Variants in SP100 observed in about 807,000 individuals in gnomAD.
SP100 encodes nuclear autoantigen Sp-100.
A neutral mutation model predicts 130.0 loss-of-function variants in SP100; 84 were observed. That is an observed-to-expected ratio of 0.65 (90% CI 0.54 to 0.77). SP100 has a LOEUF of 0.77. SP100 is among the 30% of genes least tolerant of loss of function. SP100 has a pLI of 0.00. For synonymous variants in SP100, 331 were observed against 351.7 expected (o/e 0.94, Z 0.66); for missense variants, 978 against 1,052.2 (o/e 0.93, Z 0.97).
intron 17 of SP100, among the ~76,000 whole-genome samples, chr2:230,475,444 G>A (rs1021288222): frequency 7.9e-5 from 12 of 152,166 alleles, no homozygotes; most frequent in African/African-American, 1.7e-4. Context: ...TCAGACCTTC[G>A]TTATATGCAC....
chr2:230,425,429 C>A (rs1357201688), intron 2 of SP100, among the ~76,000 whole-genome samples: 2 of 152,162 alleles, frequency 1.3e-5, no homozygotes, highest in Admixed American at 6.5e-5. Flanking sequence ...TGGTATATTT[C>A]ATTTATACCC....
chr2:230,421,131 G>T (rs183783136), intron 2 of SP100, among the ~76,000 whole-genome samples: 1 of 151,724 alleles, frequency 6.6e-6, no homozygotes, highest in Non-Finnish European at 1.5e-5. Flanking sequence ...ACATCCTCCC[G>T]CCCCTCCCCG....
intron 2 of SP100, among the ~76,000 whole-genome samples, chr2:230,435,955 G>C (rs746527396): frequency 2.5e-5 from 3 of 119,932 alleles, no homozygotes; most frequent in Non-Finnish European, 3.6e-5. Flanking sequence ...TCCTTTGCAG[G>C]GACATGGATG....
chr2:230,449,730 C>CA lies in SP100; in HGVS notation c.736+21dup. 6.2e-7 allele frequency: 1 copy of CA among 1,613,436 alleles called. No homozygotes were observed. Among genetic ancestry groups the CA allele is most frequent in the Admixed American group, 1.7e-5 (1 of 59,968 alleles). The stretch of plus-strand genomic sequence containing the variant: ...CAACAGGTAAGACTGACTGGGTTGG[C>CA]ATGAATGGGGAGGAGCCAAGGGGCC... On this transcript the variant is annotated intron_variant, in intron 7 of 28. Transcript: ENST00000340126.
intron 24 of SP100, among the ~76,000 whole-genome samples, chr2:230,535,022 C>G (rs888839425): frequency 6.6e-6 from 1 of 151,824 alleles, no homozygotes; most frequent in Admixed American, 6.6e-5. Context: ...TGGTGAAACC[C>G]CGTCTCTACT....
intron 17 of SP100, among the ~76,000 whole-genome samples, chr2:230,483,934 G>T (rs138488034): frequency 9.2e-5 from 14 of 152,214 alleles, no homozygotes; most frequent in African/African-American, 3.4e-4. Flanking sequence ...TCTGTATAAA[G>T]ACACCTTATG....
chr2:230,427,278 C>T (rs960845437), intron 2 of SP100, among the ~76,000 whole-genome samples: 1 of 152,068 alleles, frequency 6.6e-6, no homozygotes, highest in Non-Finnish European at 1.5e-5. Flanking sequence ...TCTCCTGCCT[C>T]AGCCTCCCGA....
At chr2:230,428,693 C>T (rs180680310) in intron 2 of SP100, among the ~76,000 whole-genome samples, 1,984 of 152,216 alleles carry the variant, frequency 0.013, 36 homozygotes, top group African/African-American at 0.045. Flanking sequence ...CCACCCACCT[C>T]GGCCTCCCAA....
At chr2:230,430,951 G>A (rs1359587764) in intron 2 of SP100, among the ~76,000 whole-genome samples, 2 of 152,236 alleles carry the variant, frequency 1.3e-5, no homozygotes, top group Non-Finnish European at 1.5e-5. Flanking sequence ...TCTGAGGCTG[G>A]GCAGAATTTC....
At chr2:230,510,099 T>C (rs1382924220) in intron 23 of SP100, 1 of 152,632 alleles carries the variant, frequency 6.6e-6, no homozygotes, top group East Asian at 1.9e-4. Flanking sequence ...TGGCAGGTGG[T>C]AATATGGCCA....
chr2:230,417,659 T>C lies in SP100; in HGVS notation c.101T>C (p.Leu34Ser), dbSNP rs1036575494. ...MNHLPAHSHDLQRMFTEDQGV... is the reference protein window; with the variant it reads ...MNHLPAHSHDSQRMFTEDQGV... Reference sequence around the variant, plus strand: ...CATCTTCCTGCACACAGCCACGATTTGCAAAGGTGATGAATGAAGAGTTAT... The same window carrying C: ...CATCTTCCTGCACACAGCCACGATTCGCAAAGGTGATGAATGAAGAGTTAT... Residue 34 changes from leucine to serine, a missense_variant, in exon 2 of 29, where the codon TTG (leucine) becomes TCG (serine). Leu to Ser is a moderately radical substitution (Grantham distance 145, BLOSUM62 -2). Coordinates refer to ENST00000340126, the MANE Select transcript of SP100 (RefSeq NM_001080391.2). 14 of 1,612,288 alleles carry C rather than the reference T, an allele frequency of 8.7e-6. No individual in the cohort carries two copies. Among genetic ancestry groups the C allele is most frequent in the Non-Finnish European group, 1.2e-5 (14 of 1,179,482 alleles).
chr2:230,497,303 C>G (rs1055671967), intron 18 of SP100, among the ~76,000 whole-genome samples: 1 of 151,598 alleles, frequency 6.6e-6, no homozygotes. Context: ...CATAGATGAA[C>G]AGAAAAAGAG....
At chr2:230,511,629 T>C (rs971775367) in intron 24 of SP100, among the ~76,000 whole-genome samples, 12 of 149,366 alleles carry the variant, frequency 8.0e-5, no homozygotes, top group Non-Finnish European at 1.8e-4. Flanking sequence ...GAGTTCGAGG[T>C]ATGGACTCTG....
intron 27 of SP100, 83 bp downstream of exon 27, chr2:230,541,455 A>C (rs114768322): frequency 1.3e-4 from 159 of 1,223,946 alleles, no homozygotes; most frequent in Non-Finnish European, 1.7e-4. Context: ...GTGCCATTCT[A>C]TTTGGCTTGT....
chr2:230,496,270 A>G (rs1475269949), intron 18 of SP100, among the ~76,000 whole-genome samples: 4 of 152,250 alleles, frequency 2.6e-5, no homozygotes, highest in African/African-American at 9.6e-5. Context: ...CCAATGGATG[A>G]AGTCTTAGGT....
chr2:230,498,018 A>T (rs949322469), intron 18 of SP100, among the ~76,000 whole-genome samples: 6 of 152,142 alleles, frequency 3.9e-5, no homozygotes, highest in Admixed American at 1.3e-4. Context: ...GCAATGCTTC[A>T]CTTCATTTTG....
At chr2:230,491,753 AT>A (rs1239461931) in intron 17 of SP100, among the ~76,000 whole-genome samples, 1 of 152,166 alleles carries the variant, frequency 6.6e-6, no homozygotes, top group Admixed American at 6.5e-5. Flanking sequence ...AAGGATTACA[AT>A]TCAACATGAG....
At chr2:230,524,194 A>AAAAAAAAAG (rs1691308452) in intron 24 of SP100, among the ~76,000 whole-genome samples, 1 of 144,008 alleles carries the variant, frequency 6.9e-6, no homozygotes, top group African/African-American at 2.5e-5. Context: ...AAAAAAAAAA[A>AAAAAAAAAG]AAAAAAAGAA....
chr2:230,468,955 T>G lies in SP100; in HGVS notation c.1292-88T>G, dbSNP rs910245432. The G allele has an allele frequency of 1.5e-5, 12 of 774,634 alleles. No homozygotes were observed. In the East Asian group the frequency reaches 2.5e-4, roughly 16 times the overall value. The allele number at this position is 774,634 out of a possible 1,614,324, so 48.0% of individuals were successfully genotyped here. Reference sequence around the variant, plus strand: ...AATGATCCTCATAGAATATTTATAGTCCAAATTCTGTCAACAGTGTAAGCA... The same window carrying G: ...AATGATCCTCATAGAATATTTATAGGCCAAATTCTGTCAACAGTGTAAGCA... On this transcript the variant is annotated intron_variant, in intron 13 of 28. Coordinates refer to ENST00000340126, the MANE Select transcript of SP100 (RefSeq NM_001080391.2).
Sources: allele counts gnomAD v4.1 joint callset (sites outside exome capture counted in the v4.1 genomes callset), GRCh38; gene constraint gnomAD v4.1.1; transcripts MANE v1.5; gene names NCBI Gene and HGNC (gene_info 2026-07-23, HGNC 2026-07-21).